The following TTC34 variants were observed in gnomAD, a reference collection of about 807,000 sequenced individuals.
TTC34 encodes the protein tetratricopeptide repeat protein 34.
TTC34 carries 44 observed loss-of-function variants against 40.7 expected under a neutral mutation model. The observed-to-expected ratio is 1.08, with a 90% CI of 0.85 to 1.39. The LOEUF (loss-of-function observed/expected upper bound fraction) is 1.39. Ranked by LOEUF, TTC34 falls within the 40% of genes most tolerant of loss-of-function variation. TTC34 has a pLI of 0.00. For missense variants in TTC34, 884 were observed against 838.0 expected, an observed-to-expected ratio of 1.05 and a Z score of -0.68; for synonymous variants, 422 against 398.6, an observed-to-expected ratio of 1.06 and a Z score of -0.70.
chr1:2,801,244 C>T (rs961421909), intron 1 of TTC34, among the ~76,000 whole-genome samples: 3 of 151,896 alleles, frequency 2.0e-5, no homozygotes, highest in Admixed American at 2.0e-4. Context: ...CCCCTCCCAA[C>T]CCTGAGCCCC....
intron 5 of TTC34, among the ~76,000 whole-genome samples, chr1:2,784,506 C>G (rs1428659895): frequency 1.3e-5 from 2 of 152,088 alleles, no homozygotes; most frequent in African/African-American, 4.8e-5. Context: ...CCTGACTCCT[C>G]CAAGTAAAGG....
chr1:2,684,130 C>G lies in TTC34; in HGVS notation c.2227-38567G>C, dbSNP rs558952592. ...AGCACCCACACCCTCAGGTGAGCAT[C>G]TGACAGACTGGAACAGCAACCACAC... On this transcript the variant is annotated intron_variant, in intron 6 of 8. Transcript: ENST00000401095. 7.1e-3 allele frequency among the ~76,000 whole-genome samples: 1,076 copies of G among 151,142 alleles called. 6 individuals are homozygous for G. Among genetic ancestry groups the G allele is most frequent in the Admixed American group, 0.013 (197 of 15,120 alleles).
intron 7 of TTC34, 70 bp from the exon 8 acceptor site, chr1:2,644,548 T>G: frequency 7.0e-7 from 1 of 1,425,552 alleles, no homozygotes; most frequent in Non-Finnish European, 9.4e-7. Context: ...TGAGACTCGC[T>G]GGCCGCTCCT....
intron 6 of TTC34, among the ~76,000 whole-genome samples, chr1:2,676,830 TGGAACAGCACCCACACCCCCA>T (rs1639918669): frequency 1.1e-4 from 3 of 28,556 alleles, no homozygotes; most frequent in Non-Finnish European, 2.0e-4. Context: ...TCTGACGGCC[TGGAACAGCACCCACACCCCCA>T]GGTGAGCATC....
At chr1:2,784,703 G>A (rs954123455) in intron 5 of TTC34, among the ~76,000 whole-genome samples, 3 of 152,120 alleles carry the variant, frequency 2.0e-5, no homozygotes, top group Non-Finnish European at 2.9e-5. Flanking sequence ...ACTAGATTAT[G>A]TTAGTAATGC....
rs1190091222 is a variant in TTC34 at position 2,692,138 on chromosome 1, C to A, written c.2227-46575G>T. Among the ~76,000 whole-genome samples, 5 of 100,220 alleles carry A rather than the reference C, an allele frequency of 5.0e-5. 1 individual carries two copies. Among genetic ancestry groups the A allele is most frequent in the Non-Finnish European group, 8.4e-5 (4 of 47,588 alleles). The allele number at this position is 100,220 out of a possible 152,430, so 65.7% of individuals were successfully genotyped here. On this transcript the variant is annotated intron_variant, in intron 6 of 8. Transcript: ENST00000401095. ...GAGCATCTGACAGCCTGGGTCGGCA[C>A]CCACAACCCCAGGCGAGCATCTGAC...
At chr1:2,685,053 T>C (rs540828607) in intron 6 of TTC34, among the ~76,000 whole-genome samples, 86 of 141,086 alleles carry the variant, frequency 6.1e-4, no homozygotes, top group Admixed American at 1.1e-3. Context: ...GGTGAGCATC[T>C]GACAGCCTGG....
At chr1:2,751,743 T>C (rs1641327568) in intron 6 of TTC34, among the ~76,000 whole-genome samples, 4 of 148,946 alleles carry the variant, frequency 2.7e-5, no homozygotes, top group African/African-American at 7.5e-5. Context: ...GGTGAGCATC[T>C]GACATCGTAG....
Position 2,645,252 on chromosome 1 carries a change from A to G in TTC34, c.2497+41T>C, listed in dbSNP as rs1638996189. 7.0e-7 allele frequency: 1 copy of G among 1,434,376 alleles called. No individual in the cohort carries two copies. Among genetic ancestry groups the G allele is most frequent in the African/African-American group, 1.4e-5 (1 of 69,814 alleles). 88.9% of individuals were successfully genotyped at this position (1,434,376 alleles called of 1,614,324 possible). ...CAGAGGTCAGAGGAGCGGGGACAGA[A>G]GCCCAGACCCCGTGTTTCCCACCTT... On this transcript the variant is annotated intron_variant, in intron 7 of 8. Transcript: ENST00000401095. The surrounding 1 kb of genome is among the most constrained non-coding windows in gnomAD (Gnocchi z 4.7).
chr1:2,684,528 C>G (rs1451010879), intron 6 of TTC34, among the ~76,000 whole-genome samples: 30 of 146,790 alleles, frequency 2.0e-4, no homozygotes, highest in African/African-American at 7.7e-4. Context: ...CCCAGGTGAG[C>G]ATCCGACATC....
chr1:2,660,549 AG>A (rs1639510894), intron 6 of TTC34, among the ~76,000 whole-genome samples: 1 of 26,902 alleles, frequency 3.7e-5, no homozygotes, highest in African/African-American at 9.8e-5. Context: ...CAGCACCCAT[AG>A]CCCATGGTGA....
At chr1:2,694,150 C>T (rs1253513203) in intron 6 of TTC34, among the ~76,000 whole-genome samples, 2 of 150,184 alleles carry the variant, frequency 1.3e-5, no homozygotes, top group Non-Finnish European at 1.5e-5. Flanking sequence ...CACACACACC[C>T]CCAGGCGAGC....
At chr1:2,671,587 ACACCCCCAG>A (rs1639702620) in intron 6 of TTC34, among the ~76,000 whole-genome samples, 1 of 8,096 alleles carries the variant, frequency 1.2e-4, no homozygotes, top group African/African-American at 1.7e-4. Flanking sequence ...AGCAGCACCC[ACACCCCCAG>A]TTGAGCATCT....
chr1:2,650,163 G>T (rs1241134440), intron 6 of TTC34, among the ~76,000 whole-genome samples: 1 of 142,980 alleles, frequency 7.0e-6, no homozygotes, highest in Non-Finnish European at 1.6e-5. Flanking sequence ...AGCCTGGAAT[G>T]GCACTCTACA....
intron 2 of TTC34, among the ~76,000 whole-genome samples, chr1:2,792,033 T>TTTTTTTTTA (rs1553171534): frequency 1.5e-4 from 16 of 107,162 alleles, no homozygotes; most frequent in Middle Eastern, 5.4e-3. Flanking sequence ...TTTTTTTTTT[T>TTTTTTTTTA]AAAGACAGGG....
chr1:2,753,287 A>G (rs1641387434), intron 6 of TTC34, among the ~76,000 whole-genome samples: 1 of 103,810 alleles, frequency 9.6e-6, no homozygotes, highest in African/African-American at 4.6e-5. Flanking sequence ...CTGGAACAGC[A>G]CCCTGCACAC....
At chr1:2,767,796 A>C (rs567118978) in intron 6 of TTC34, among the ~76,000 whole-genome samples, 36 of 145,404 alleles carry the variant, frequency 2.5e-4, no homozygotes, top group African/African-American at 7.8e-4. Context: ...AGCCTGGGGC[A>C]GCACCCACAC....
chr1:2,788,408 G>A (rs1557691589), intron 3 of TTC34, among the ~76,000 whole-genome samples: 1 of 151,222 alleles, frequency 6.6e-6, no homozygotes, highest in Non-Finnish European at 1.5e-5. Context: ...TTGTGTGTGT[G>A]TTATGTATGT....
chr1:2,801,478 G>C (rs1487404069), intron 1 of TTC34, 99 bp downstream of exon 1: 1 of 152,464 alleles, frequency 6.6e-6, no homozygotes, highest in African/African-American at 2.4e-5. Flanking sequence ...CTGTCCCCAA[G>C]CTACTTGACC....
Sources: gnomAD v4.1 joint callset for allele counts (sites outside exome capture counted in the v4.1 genomes callset) on GRCh38, gnomAD v4.1.1 for gene constraint, Gnocchi (gnomAD v3.1) non-coding constraint, MANE v1.5 for transcripts, NCBI Gene and HGNC (gene_info 2026-07-23, HGNC 2026-07-21) for gene names.